The following SLC24A1 variants were observed in gnomAD, a reference collection of about 807,000 sequenced individuals.
SLC24A1 encodes the protein sodium/potassium/calcium exchanger 1.
In SLC24A1, 52 loss-of-function variants were observed where a neutral mutation model predicts 88.1. That is an observed-to-expected ratio of 0.59 (90% CI 0.47 to 0.74). The LOEUF (loss-of-function observed/expected upper bound fraction) is 0.74. Among genes scored for constraint, SLC24A1 ranks in the 30% least tolerant of loss-of-function variants. SLC24A1 has a pLI of 0.00. For synonymous variants in SLC24A1, 455 were observed against 498.0 expected (o/e 0.91, Z 1.15); for missense variants, 1,173 against 1,363.3 (o/e 0.86, Z 2.20).
intron 4 of SLC24A1, 186 bp from the exon 5 acceptor site, chr15:65,644,241 T>C: frequency 1.6e-6 from 1 of 624,262 alleles, no homozygotes; most frequent in East Asian, 2.8e-5. Flanking sequence ...AAGACAGAAC[T>C]TTGGGAATTA....
intron 2 of SLC24A1, among the ~76,000 whole-genome samples, chr15:65,636,316 C>T (rs2074931768): frequency 6.6e-6 from 1 of 152,168 alleles, no homozygotes; most frequent in African/African-American, 2.4e-5. Flanking sequence ...CGTAGCCAGT[C>T]ACTCACACCT....
At position 65,655,853 on chromosome 15, in the gene SLC24A1, A is replaced by C; in HGVS notation, c.*1774A>C. On this transcript the variant is annotated 3_prime_UTR_variant, in exon 10 of 10. Transcript: ENST00000261892. The stretch of plus-strand genomic sequence containing the variant: ...TAAATTTCAATAAACTGTGAATCCC[A>C]ATGGTATTTTACTTTACAACATGGA... 1.0e-6 allele frequency: 1 copy of C among 985,040 alleles called. No homozygotes were observed. The highest frequency in any genetic ancestry group is 1.1e-4 in the East Asian group (1 of 8,808). 61.0% of individuals were successfully genotyped at this position (985,040 alleles called of 1,614,324 possible).
chr15:65,645,392 C>G (rs2075269280), intron 5 of SLC24A1, among the ~76,000 whole-genome samples: 1 of 152,204 alleles, frequency 6.6e-6, no homozygotes, highest in African/African-American at 2.4e-5. Flanking sequence ...TATAGGGGAG[C>G]ACGGATGGTC....
intron 3 of SLC24A1, among the ~76,000 whole-genome samples, 177 bp downstream of exon 3, chr15:65,638,358 TC>T (rs1376022378): frequency 1.3e-5 from 2 of 152,124 alleles, no homozygotes. Flanking sequence ...CTGAGAACTC[TC>T]ACCTCTAGAT....
chr15:65,643,116 A>C, intron 4 of SLC24A1: 1 of 895,034 alleles, frequency 1.1e-6, no homozygotes, highest in South Asian at 1.4e-5. Context: ...CACTGTTTTG[A>C]CCATATTCAT....
chr15:65,617,478 C>A (rs2074185497), upstream of SLC24A1, among the ~76,000 whole-genome samples: 1 of 152,074 alleles, frequency 6.6e-6, no homozygotes, highest in Non-Finnish European at 1.5e-5. Context: ...GTATTTTATT[C>A]TCTTTGTAGC....
chr15:65,632,417 G>T (rs549266838), intron 2 of SLC24A1, among the ~76,000 whole-genome samples: 1 of 152,262 alleles, frequency 6.6e-6, no homozygotes, highest in East Asian at 1.9e-4. Context: ...TGAGAAAGAA[G>T]AATAAGTTTA....
chr15:65,655,805 C>T lies in SLC24A1; in HGVS notation c.*1726C>T, dbSNP rs2075663654. ...AATTGCCTCGCTACCCCAGGATTCT[C>T]ATTCTTTGGAAATAATTTTTATTAA... On this transcript the variant is annotated 3_prime_UTR_variant, in exon 10 of 10. Transcript: ENST00000261892. 3 of 984,944 alleles carry T rather than the reference C, an allele frequency of 3.0e-6. No homozygotes were observed. The South Asian group carries it at 1.4e-4, about 46-fold the overall frequency. 61.0% of individuals were successfully genotyped at this position (984,944 alleles called of 1,614,324 possible). A position where few individuals can be genotyped will look rare whatever the true frequency, so the allele number is the denominator to read the frequency against.
chr15:65,622,783 T>C (rs62013125), intron 1 of SLC24A1, among the ~76,000 whole-genome samples: 9,460 of 151,502 alleles, frequency 0.062, 311 homozygotes, highest in African/African-American at 0.09. Context: ...GCTCTGTTGC[T>C]CAGGCTGGAG....
chr15:65,656,607 G>T (rs1190111352), downstream of SLC24A1, among the ~76,000 whole-genome samples: 1 of 152,154 alleles, frequency 6.6e-6, no homozygotes, highest in African/African-American at 2.4e-5. Context: ...AGAATATTCT[G>T]TATATAGTTA....
Position 65,645,639 on chromosome 15 carries a change from T to C in SLC24A1, c.2168T>C (p.Val723Ala), listed in dbSNP as rs775241844. ...GAGGAGCCAGCCAAGCTCCCTGCGG[T>C]CACGGTCACACCAGCCCCTGTTCCA... ...EEEEPAKLPA[V>A]TVTPAPVPDI... is the part of the protein sequence containing the mutation. The change falls in exon 6 of 10, where the codon GTC becomes GCC. Residue 723 changes from valine to alanine, a missense_variant. Physicochemically the swap from Val to Ala is moderately conservative, Grantham distance 64. Coordinates refer to ENST00000261892, the MANE Select transcript of SLC24A1 (RefSeq NM_004727.3). 4.4e-6 allele frequency: 7 copies of C among 1,576,562 alleles called. No homozygotes were observed. Among genetic ancestry groups the C allele is most frequent in the Non-Finnish European group, 6.0e-6 (7 of 1,161,126 alleles).
chr15:65,626,051 C>A, intron 2 of SLC24A1, 81 bp downstream of exon 2: 1 of 978,378 alleles, frequency 1.0e-6, no homozygotes, highest in Non-Finnish European at 1.7e-6. Context: ...AGAGAAGGTG[C>A]TGGATCAGAC....
At chr15:65,642,616 C>T (rs900767417) in intron 4 of SLC24A1, among the ~76,000 whole-genome samples, 1 of 152,208 alleles carries the variant, frequency 6.6e-6, no homozygotes, top group Non-Finnish European at 1.5e-5. Flanking sequence ...TTGATTAGTG[C>T]CAAGGGGGCA....
At chr15:65,634,613 A>G (rs893677295) in intron 2 of SLC24A1, among the ~76,000 whole-genome samples, 4 of 152,180 alleles carry the variant, frequency 2.6e-5, no homozygotes, top group African/African-American at 4.8e-5. Flanking sequence ...GTTGACAAAC[A>G]TTCATGTCCA....
Position 65,624,463 on chromosome 15 carries a change from A to C in SLC24A1, c.383A>C (p.Asn128Thr). The C allele has an allele frequency of 6.2e-7, 1 of 1,610,748 alleles. No individual in the cohort carries two copies. Among genetic ancestry groups the C allele is most frequent in the South Asian group, 1.1e-5 (1 of 90,450 alleles). ...TAKMIPTTTK[N>T]NYSPTAAGTE... The stretch of plus-strand genomic sequence containing the variant: ...AAGATGATCCCAACAACAACCAAGA[A>C]TAATTACAGCCCAACAGCAGCAGGT... Residue 128 changes from asparagine to threonine, a missense_variant, in exon 2 of 10, where the codon AAT becomes ACT. Asn to Thr is a moderately conservative substitution (Grantham distance 65). Transcript: ENST00000261892.
chr15:65,616,747 A>T (rs1472744523), intron 2 of SLC24A1, among the ~76,000 whole-genome samples: 1 of 151,930 alleles, frequency 6.6e-6, no homozygotes, highest in Non-Finnish European at 1.5e-5. Context: ...CCATTTGTCT[A>T]TTTTGGCTTT....
chr15:65,651,809 C>A, intron 8 of SLC24A1, 50 bp downstream of exon 8: 1 of 938,730 alleles, frequency 1.1e-6, no homozygotes, highest in Non-Finnish European at 1.7e-6. Context: ...CCCAACGACA[C>A]TTTCCTTCAG....
intron 4 of SLC24A1, among the ~76,000 whole-genome samples, chr15:65,641,561 C>T (rs541063907): frequency 5.9e-5 from 9 of 152,258 alleles, no homozygotes; most frequent in African/African-American, 2.2e-4. Context: ...AAAGCAATTC[C>T]TCAAGGTAAA....
At position 65,651,129 on chromosome 15, in the gene SLC24A1, C is replaced by A. The variant is rs147768367; in HGVS notation, c.2793+187C>A. On this transcript the variant is annotated intron_variant, in intron 7 of 9. Transcript: ENST00000261892. ...GACTATGTGCTTAGGGGACATACCA[C>A]TGGGACTGGGAGGCCCTAGATCTCA... 5.3e-4 allele frequency among the ~76,000 whole-genome samples: 81 copies of A among 152,288 alleles called. No individual in the cohort carries two copies. In the East Asian group the frequency reaches 0.014, roughly 27 times the overall value.
Sources: allele counts gnomAD v4.1 joint callset (sites outside exome capture counted in the v4.1 genomes callset), GRCh38; gene constraint gnomAD v4.1.1; transcripts MANE v1.5; gene names NCBI Gene and HGNC (gene_info 2026-07-23, HGNC 2026-07-21).